The following CNTN4 variants were observed in gnomAD, a reference collection of about 807,000 sequenced individuals.
CNTN4 encodes contactin 4.
CNTN4 carries 77 observed loss-of-function variants against 122.5 expected under a neutral mutation model. That is an observed-to-expected ratio of 0.63 (90% confidence interval 0.52 to 0.76). CNTN4 has a LOEUF of 0.76. Among genes scored for constraint, CNTN4 ranks in the 30% least tolerant of loss-of-function variants. The probability of loss-of-function intolerance (pLI) is 0.00; values close to 1 mark genes in which losing one functional copy is unlikely to be tolerated. For missense variants in CNTN4, 1,256 were observed against 1,259.1 expected (o/e 1.00, Z 0.04); for synonymous variants, 512 against 447.0 (o/e 1.15, Z -1.83).
intron 5 of CNTN4, among the ~76,000 whole-genome samples, chr3:2,738,818 G>A (rs771384467): frequency 1.3e-5 from 2 of 151,906 alleles, no homozygotes; most frequent in African/African-American, 2.4e-5. Flanking sequence ...AAGCAGATGG[G>A]TTTACATATT....
chr3:2,733,948 A>G (rs1426080575), intron 4 of CNTN4, among the ~76,000 whole-genome samples: 1 of 152,134 alleles, frequency 6.6e-6, no homozygotes, highest in Admixed American at 6.5e-5. Flanking sequence ...GTAAGGAGAG[A>G]CAGTGGTAGT....
chr3:2,928,593 T>G (rs1577306478), intron 13 of CNTN4, among the ~76,000 whole-genome samples: 1 of 152,334 alleles, frequency 6.6e-6, no homozygotes, highest in African/African-American at 2.4e-5. Flanking sequence ...ATGTAGAATC[T>G]TAGGAAACAA....
intron 3 of CNTN4, among the ~76,000 whole-genome samples, chr3:2,391,366 G>A (rs1017176430): frequency 1.3e-5 from 2 of 152,132 alleles, no homozygotes; most frequent in African/African-American, 4.8e-5. Context: ...TTTTACAACT[G>A]TACTATCTCA....
chr3:2,585,654 A>G (rs1047382635), intron 4 of CNTN4, among the ~76,000 whole-genome samples: 1 of 134,770 alleles, frequency 7.4e-6, no homozygotes, highest in Non-Finnish European at 1.6e-5. Flanking sequence ...ACACATGGAC[A>G]CAGGAAGGGG....
intron 8 of CNTN4, among the ~76,000 whole-genome samples, chr3:2,876,832 T>C (rs1453154227): frequency 2.6e-5 from 4 of 152,212 alleles, no homozygotes; most frequent in African/African-American, 9.6e-5. Context: ...TGGGACTCCA[T>C]TGCTAGTACT....
At chr3:2,679,450 C>G (rs555710169) in intron 4 of CNTN4, among the ~76,000 whole-genome samples, 2 of 152,212 alleles carry the variant, frequency 1.3e-5, no homozygotes, top group Middle Eastern at 3.4e-3. Flanking sequence ...AACAAATGCA[C>G]TCTGGTCATT....
intron 2 of CNTN4, among the ~76,000 whole-genome samples, chr3:2,225,867 G>A (rs757858032): frequency 7.3e-4 from 111 of 152,284 alleles, no homozygotes; most frequent in Non-Finnish European, 1.0e-3. Flanking sequence ...CCTTTTAGGG[G>A]ATAGAGTGAC....
intron 3 of CNTN4, among the ~76,000 whole-genome samples, chr3:2,357,411 AT>A (rs2044918697): frequency 6.6e-6 from 1 of 152,220 alleles, no homozygotes; most frequent in Non-Finnish European, 1.5e-5. Context: ...AATATTTATT[AT>A]GTCGATTCCA....
At position 2,988,358 on chromosome 3, in the gene CNTN4, G is replaced by C; in HGVS notation, c.1372G>C (p.Glu458Gln). 6.2e-7 allele frequency: 1 copy of C among 1,613,638 alleles called. No homozygotes were observed. The highest frequency in any genetic ancestry group is 8.5e-7 in the Non-Finnish European group (1 of 1,179,736). ...LKENERITISEDGNLRIINVT... is the reference protein window; with the variant it reads ...LKENERITISQDGNLRIINVT... Reference sequence around the variant, plus strand: ...CTTTGATTTCAGAATTACCATTTCTGAAGATGGAAACCTCAGAATCATCAA... The same window carrying C: ...CTTTGATTTCAGAATTACCATTTCTCAAGATGGAAACCTCAGAATCATCAA... Residue 458 changes from glutamate to glutamine, a missense_variant, in exon 14 of 25, where the codon GAA becomes CAA. By Grantham distance (29) the Glu-to-Gln change is conservative. Transcript: ENST00000418658.
intron 6 of CNTN4, among the ~76,000 whole-genome samples, chr3:2,771,722 G>A (rs545598906): frequency 2.0e-5 from 3 of 152,324 alleles, no homozygotes; most frequent in African/African-American, 7.2e-5. Flanking sequence ...GGAAGATCTT[G>A]TACTTTAGTG....
chr3:2,842,918 T>A (rs1217089239), intron 7 of CNTN4, among the ~76,000 whole-genome samples: 1 of 152,128 alleles, frequency 6.6e-6, no homozygotes, highest in African/African-American at 2.4e-5. Flanking sequence ...AGTATAAGTG[T>A]CCTCAGGCTC....
chr3:3,055,001 G>A (rs1701655936), intron 24 of CNTN4, among the ~76,000 whole-genome samples: 2 of 152,140 alleles, frequency 1.3e-5, no homozygotes, highest in African/African-American at 2.4e-5. Context: ...TTTAAATTAT[G>A]GACAAAATCC....
At chr3:2,701,412 C>G (rs996627014) in intron 4 of CNTN4, among the ~76,000 whole-genome samples, 2 of 152,182 alleles carry the variant, frequency 1.3e-5, no homozygotes, top group Admixed American at 1.3e-4. Flanking sequence ...TAACAGCACA[C>G]AAAGTGGTGA....
At chr3:2,958,818 T>C (rs2094825666) in intron 13 of CNTN4, among the ~76,000 whole-genome samples, 1 of 152,122 alleles carries the variant, frequency 6.6e-6, no homozygotes, top group Non-Finnish European at 1.5e-5. Flanking sequence ...ATGCTATGAG[T>C]AATCCAGGGA....
intron 9 of CNTN4, among the ~76,000 whole-genome samples, chr3:2,886,512 AC>A (rs2093981064): frequency 8.2e-6 from 1 of 122,246 alleles, no homozygotes; most frequent in South Asian, 2.9e-4. Context: ...GAGATAGATC[AC>A]TTTTTTTTTT....
intron 4 of CNTN4, among the ~76,000 whole-genome samples, chr3:2,611,221 C>T (rs1447625910): frequency 1.4e-5 from 2 of 144,188 alleles, no homozygotes; most frequent in Non-Finnish European, 3.0e-5. Flanking sequence ...TCATATAGCA[C>T]CTGCTATGAG....
chr3:2,612,430 A>G (rs928724778), intron 4 of CNTN4, among the ~76,000 whole-genome samples: 5 of 152,078 alleles, frequency 3.3e-5, no homozygotes, highest in Non-Finnish European at 5.9e-5. Context: ...TTGAAGTACA[A>G]TTTTTACTGA....
intron 2 of CNTN4, chr3:2,262,432 T>TA: frequency 6.6e-6 from 1 of 152,150 alleles, no homozygotes; most frequent in Non-Finnish European, 1.5e-5. Flanking sequence ...CATGCTGAGG[T>TA]AAGGCAAACA....
intron 14 of CNTN4, chr3:2,999,189 T>G (rs1355431546): frequency 6.6e-6 from 1 of 152,248 alleles, no homozygotes; most frequent in African/African-American, 2.4e-5. Flanking sequence ...TTTTCATTAG[T>G]ATCTTTCTAC....
Sources: allele counts gnomAD v4.1 joint callset (sites outside exome capture counted in the v4.1 genomes callset), GRCh38; gene constraint gnomAD v4.1.1; transcripts MANE v1.5; gene names NCBI Gene and HGNC (gene_info 2026-07-23, HGNC 2026-07-21).